Variants in HEMK2 observed in about 807,000 individuals in gnomAD.
HEMK2 encodes the protein methyltransferase HEMK2.
chr21:28,710,021 C>A, the HEMK2 span, among the ~76,000 whole-genome samples: 3 of 152,184 alleles, frequency 2.0e-5, no homozygotes, highest in African/African-American at 4.8e-5. Flanking sequence ...CCCATGTGGG[C>A]TCATCCAATA....
the HEMK2 span, among the ~76,000 whole-genome samples, chr21:28,824,327 T>C: frequency 2.0e-5 from 3 of 152,234 alleles, no homozygotes; most frequent in South Asian, 6.2e-4. Context: ...AAGAAATCAC[T>C]CCTATCTGAA....
the HEMK2 span, among the ~76,000 whole-genome samples, chr21:28,637,180 G>A: frequency 6.6e-6 from 1 of 152,082 alleles, no homozygotes; most frequent in African/African-American, 2.4e-5. Context: ...ACTCAGCCTT[G>A]CCACAATTTT....
chr21:28,589,102 T>C, the HEMK2 span, among the ~76,000 whole-genome samples: 4 of 152,040 alleles, frequency 2.6e-5, no homozygotes, highest in Non-Finnish European at 5.9e-5. Context: ...TGTAAACTTA[T>C]AAAAAAGGCA....
At chr21:28,711,956 T>C in the HEMK2 span, among the ~76,000 whole-genome samples, 4 of 152,174 alleles carry the variant, frequency 2.6e-5, no homozygotes, top group Admixed American at 2.0e-4. Context: ...GTCCCTGTTA[T>C]AAGGACACTA....
the HEMK2 span, among the ~76,000 whole-genome samples, chr21:28,679,720 C>T: frequency 3.3e-5 from 5 of 152,292 alleles, no homozygotes; most frequent in South Asian, 4.1e-4. Flanking sequence ...ACAGTGCAAT[C>T]GAACTAGAAC....
chr21:28,784,186 G>A, the HEMK2 span, among the ~76,000 whole-genome samples: 160 of 152,380 alleles, frequency 1.1e-3, 2 homozygotes, highest in Middle Eastern at 0.01. Flanking sequence ...TGCGGCCCCG[G>A]TGTAGGATCC....
At chr21:28,856,701 T>TC in the HEMK2 span, among the ~76,000 whole-genome samples, 1 of 152,066 alleles carries the variant, frequency 6.6e-6, no homozygotes, top group Admixed American at 6.6e-5. Context: ...GAGCCAGGGA[T>TC]CCCCCACCCC....
At chr21:28,748,345 C>T in the HEMK2 span, among the ~76,000 whole-genome samples, 1 of 152,196 alleles carries the variant, frequency 6.6e-6, no homozygotes, top group Non-Finnish European at 1.5e-5. Flanking sequence ...ATGATATTCA[C>T]CTTTTACTAT....
At chr21:28,798,623 C>T in the HEMK2 span, among the ~76,000 whole-genome samples, 1 of 152,018 alleles carries the variant, frequency 6.6e-6, no homozygotes, top group Non-Finnish European at 1.5e-5. Context: ...GATCCCTGTC[C>T]TGTGTTCTTT....
At chr21:28,822,892 C>T in the HEMK2 span, among the ~76,000 whole-genome samples, 1 of 152,120 alleles carries the variant, frequency 6.6e-6, no homozygotes, top group Non-Finnish European at 1.5e-5. Context: ...CCATTCACCC[C>T]TTCTAATGTG....
chr21:28,831,289 T>C, the HEMK2 span, among the ~76,000 whole-genome samples: 1 of 150,808 alleles, frequency 6.6e-6, no homozygotes. Flanking sequence ...CTACTAAAAA[T>C]ACAAAAATTA....
At chr21:28,877,139 GA>G in the HEMK2 span, among the ~76,000 whole-genome samples, 511 of 75,216 alleles carry the variant, frequency 6.8e-3, 4 homozygotes, top group African/African-American at 0.016. Flanking sequence ...AAAGAGAAGA[GA>G]AGAGAGAGAG....
the HEMK2 span, chr21:28,674,798 T>A: frequency 1.0e-5 from 1 of 97,032 alleles, no homozygotes; most frequent in Non-Finnish European, 1.8e-5. Context: ...CAGTATATAG[T>A]GGAGGCCCTG....
the HEMK2 span, among the ~76,000 whole-genome samples, chr21:28,762,552 T>C: frequency 6.6e-6 from 1 of 152,098 alleles, no homozygotes; most frequent in African/African-American, 2.4e-5. Context: ...CAGAACTAAA[T>C]GGAATTGGTA....
At chr21:28,750,942 T>C in the HEMK2 span, among the ~76,000 whole-genome samples, 2,091 of 152,172 alleles carry the variant, frequency 0.014, 24 homozygotes, top group Middle Eastern at 0.024. Flanking sequence ...TTAAGATACA[T>C]TAGTTCGGCC....
At chr21:28,764,841 A>T in the HEMK2 span, among the ~76,000 whole-genome samples, 1 of 152,080 alleles carries the variant, frequency 6.6e-6, no homozygotes, top group Non-Finnish European at 1.5e-5. Flanking sequence ...TGACAGCTAC[A>T]TTTACTTCTA....
chr21:28,713,242 G>A, the HEMK2 span, among the ~76,000 whole-genome samples: 1 of 151,916 alleles, frequency 6.6e-6, no homozygotes, highest in South Asian at 2.1e-4. Context: ...TTTCTCCATT[G>A]CTCATGCCAT....
chr21:28,725,855 C>G, the HEMK2 span, among the ~76,000 whole-genome samples: 1 of 152,168 alleles, frequency 6.6e-6, no homozygotes, highest in African/African-American at 2.4e-5. Flanking sequence ...CTTTCTTGGT[C>G]ATCAGTTTAA....
chr21:28,738,186 T>C, the HEMK2 span, among the ~76,000 whole-genome samples: 1 of 152,222 alleles, frequency 6.6e-6, no homozygotes. Context: ...AATGGACACT[T>C]TGAACTTTCT....
Sources: allele counts gnomAD v4.1 joint callset (sites outside exome capture counted in the v4.1 genomes callset), GRCh38; gene constraint gnomAD v4.1.1; transcripts MANE v1.5; gene names NCBI Gene and HGNC (gene_info 2026-07-23, HGNC 2026-07-21).